The following SEMA4A variants were observed in gnomAD, a reference collection of about 807,000 sequenced individuals.
SEMA4A encodes semaphorin-4A.
In SEMA4A, 52 loss-of-function variants were observed where a neutral mutation model predicts 72.5. The ratio of observed to expected loss-of-function variants is 0.72; its 90% CI spans 0.57 to 0.90. The LOEUF is 0.90. Among genes scored for constraint, SEMA4A ranks in the 40% least tolerant of loss-of-function variants. SEMA4A has a pLI of 0.00. For missense variants in SEMA4A, 926 were observed against 959.7 expected (o/e 0.96, Z 0.46); for synonymous variants, 369 against 393.1 (o/e 0.94, Z 0.73).
At chr1:156,171,295 C>G (rs1654749284) in intron 10 of SEMA4A, among the ~76,000 whole-genome samples, 1 of 152,094 alleles carries the variant, frequency 6.6e-6, no homozygotes, top group Admixed American at 6.6e-5. Context: ...CACGGGTGTC[C>G]CAGAGCCACA....
chr1:156,160,582 C>A (rs1653496179), intron 7 of SEMA4A, 23 bp downstream of exon 7: 1 of 1,589,322 alleles, frequency 6.3e-7, no homozygotes, highest in Non-Finnish European at 8.6e-7. Flanking sequence ...CCCCCGCTGG[C>A]CTCCTTTCCT....
chr1:156,154,747 A>G (rs1369542920), intron 2 of SEMA4A, 30 bp downstream of exon 2: 1 of 1,567,106 alleles, frequency 6.4e-7, no homozygotes, highest in South Asian at 1.2e-5. Context: ...AAGTGTGGGG[A>G]TAGCAATAGA....
chr1:156,156,586 AGGGATAAAGAGTGT>A lies in SEMA4A; in HGVS notation c.300+16_300+29del. ...GGCTAAAGAACATGGTGAGGAGTCC[AGGGATAAAGAGTGT>A]GGGCTGGGAGTGAAGAGGGGGCCGG... On this transcript the variant is annotated intron_variant, in intron 3 of 14. Coordinates refer to ENST00000368285, the MANE Select transcript of SEMA4A (RefSeq NM_022367.4). The A allele has an allele frequency of 6.2e-7, 1 of 1,613,570 alleles. No individual in the cohort carries two copies. The highest frequency in any genetic ancestry group is 8.5e-7 in the Non-Finnish European group (1 of 1,179,846).
chr1:156,172,162 G>C (rs1446888389), intron 10 of SEMA4A, among the ~76,000 whole-genome samples: 2 of 142,612 alleles, frequency 1.4e-5, no homozygotes, highest in African/African-American at 5.2e-5. Flanking sequence ...CTGTCGCCCA[G>C]GTTGGAGTGC....
chr1:156,170,290 C>T (rs1028375728), intron 10 of SEMA4A, among the ~76,000 whole-genome samples: 1 of 151,590 alleles, frequency 6.6e-6, no homozygotes, highest in Non-Finnish European at 1.5e-5. Flanking sequence ...ATGTTGAAAC[C>T]CCGTCTCTAC....
At chr1:156,160,620 C>G in intron 7 of SEMA4A, 61 bp downstream of exon 7, 1 of 1,431,002 alleles carries the variant, frequency 7.0e-7, no homozygotes. Context: ...CTAATTCACT[C>G]AACTTTCATT....
intron 12 of SEMA4A, 21 bp from the exon 13 acceptor site, chr1:156,175,065 C>A: frequency 2.5e-6 from 4 of 1,614,182 alleles, no homozygotes; most frequent in Non-Finnish European, 3.4e-6. Context: ...GGCTCCCTGA[C>A]AATCTCCATC....
At chr1:156,168,447 C>A (rs1300420113) in intron 10 of SEMA4A, among the ~76,000 whole-genome samples, 3 of 152,034 alleles carry the variant, frequency 2.0e-5, no homozygotes, top group African/African-American at 7.3e-5. Context: ...TGGTCTCGAA[C>A]TCCTGACCTC....
intron 10 of SEMA4A, among the ~76,000 whole-genome samples, chr1:156,169,853 C>T (rs1376975986): frequency 1.3e-5 from 2 of 151,616 alleles, no homozygotes; most frequent in Non-Finnish European, 2.9e-5. Context: ...GGTGAAACCC[C>T]GTCTCTACTA....
chr1:156,176,504 T>TTC lies in SEMA4A; in HGVS notation c.1793_1794insTC (p.Glu600GlnfsTer14), dbSNP rs764663627. 1 of 1,614,114 alleles carries TTC rather than the reference T, an allele frequency of 6.2e-7. No individual in the cohort carries two copies. On this transcript the variant is annotated frameshift_variant, in exon 15 of 15. Transcript: ENST00000368285. LOFTEE classifies it high-confidence loss of function. Reference sequence around the variant, plus strand: ...TATTGGAGTCATGGCCCAGCAGCAGTCCCAGAAGCCTCTTCCACTGTCTAC... The same window carrying TTC: ...TATTGGAGTCATGGCCCAGCAGCAGTTCCCCAGAAGCCTCTTCCACTGTCTAC...
intron 10 of SEMA4A, 168 bp downstream of exon 10, chr1:156,163,262 T>C: frequency 1.4e-6 from 1 of 719,184 alleles, no homozygotes; most frequent in Non-Finnish European, 2.3e-6. Context: ...CACATGTGCC[T>C]AGCACCCTTT....
intron 13 of SEMA4A, 93 bp from the exon 14 acceptor site, chr1:156,175,463 A>ACCTTCTTCCCTACTGCACTTCCTC: frequency 8.6e-7 from 1 of 1,166,224 alleles, no homozygotes; most frequent in Non-Finnish European, 1.3e-6. Flanking sequence ...CCCCTGGCCT[A>ACCTTCTTCCCTACTGCACTTCCTC]CCTTCTTCCC....
intron 10 of SEMA4A, among the ~76,000 whole-genome samples, chr1:156,172,092 GTTTGTTTATTTATTTATTTATTTA>G (rs1156278415): frequency 1.0e-4 from 15 of 143,850 alleles, no homozygotes; most frequent in Non-Finnish European, 2.3e-4. Flanking sequence ...CTGTTTGTTT[GTTTGTTTATTTATTTATTTATTTA>G]TTTATTTATT....
rs1429284502 is a variant in SEMA4A at position 156,172,828 on chromosome 1, C to A, written c.1137C>A (p.Cys379Ter). The part of the protein sequence containing the change: ...GPETNPRPGS[C>*]SVGPSSDKAL... The stretch of plus-strand genomic sequence containing the variant: ...GATCTGCCTCCCTCCTCCTTTAGTG[C>A]TCAGTGGGCCCCTCCTCTGATAAGG... Residue 379 changes from cysteine (C) to a stop codon, truncating the protein, a stop_gained and splice_region_variant, in exon 11 of 15, where the codon TGC (cysteine) becomes TGA (stop). Coordinates refer to ENST00000368285, the MANE Select transcript of SEMA4A (RefSeq NM_022367.4). LOFTEE classifies it high-confidence loss of function. The A allele has an allele frequency of 6.2e-7, 1 of 1,614,146 alleles. No individual in the cohort carries two copies. Among genetic ancestry groups the A allele is most frequent in the South Asian group, 1.1e-5 (1 of 91,076 alleles).
intron 8 of SEMA4A, 126 bp downstream of exon 8, chr1:156,161,155 C>T: frequency 1.3e-5 from 3 of 237,340 alleles, no homozygotes; most frequent in Non-Finnish European, 2.2e-5. Flanking sequence ...GCGGGCCTGG[C>T]GGGGTGGGGC....
At chr1:156,161,252 G>A (rs1412499066) in intron 8 of SEMA4A, 94 bp from the exon 9 acceptor site, 3 of 893,114 alleles carry the variant, frequency 3.4e-6, no homozygotes, top group Non-Finnish European at 4.8e-6. Context: ...GCGGGGACTG[G>A]GGGGACACGC....
intron 8 of SEMA4A, 60 bp downstream of exon 8, chr1:156,161,089 G>A (rs912315674): frequency 1.3e-6 from 2 of 1,588,420 alleles, no homozygotes; most frequent in African/African-American, 1.4e-5. Context: ...GAGATGGCAG[G>A]GGCAGGACTG....
In SEMA4A at chr1:156,173,022, C is replaced by G; in HGVS notation, c.1315+16C>G. 3.1e-6 allele frequency: 5 copies of G among 1,612,380 alleles called. No homozygotes were observed. The highest frequency in any genetic ancestry group is 4.2e-6 in the Non-Finnish European group (5 of 1,178,992). On this transcript the variant is annotated intron_variant, in intron 11 of 14. Transcript: ENST00000368285. ...CTGGGAACCAGTGAGTAAAGAGTTC[C>G]GGGACATCCCCCAGAGGACTAGAGC...
At chr1:156,156,128 C>T in intron 2 of SEMA4A, 1 of 426,576 alleles carries the variant, frequency 2.3e-6, no homozygotes, top group Non-Finnish European at 4.4e-6. Context: ...CGACGGTAGC[C>T]CTCCCTGTCC....
Sources: allele counts gnomAD v4.1 joint callset (sites outside exome capture counted in the v4.1 genomes callset), GRCh38; gene constraint gnomAD v4.1.1; transcripts MANE v1.5; gene names NCBI Gene and HGNC (gene_info 2026-07-23, HGNC 2026-07-21).